Variants in CACNA2D1 observed in about 807,000 individuals in gnomAD.
The protein encoded by CACNA2D1 is calcium voltage-gated channel auxiliary subunit alpha2delta 1, also known as voltage-dependent calcium channel subunit alpha-2/delta-1.
CACNA2D1 carries 53 observed loss-of-function variants against 171.5 expected under a neutral mutation model. The ratio of observed to expected loss-of-function variants is 0.31; its 90% CI spans 0.25 to 0.39. The LOEUF (loss-of-function observed/expected upper bound fraction) is 0.39, where lower values mean the gene tolerates loss of function less well. Ranked by LOEUF, CACNA2D1 falls within the 10% of genes least tolerant of loss-of-function variation. The pLI, the probability that CACNA2D1 is intolerant of heterozygous loss-of-function variation, is 1.00. For missense variants in CACNA2D1, 903 were observed against 1,299.8 expected (o/e 0.69, Z 4.69); for synonymous variants, 442 against 443.1 (o/e 1.00, Z 0.03).
chr7:82,193,678 T>A (rs1798564288), intron 3 of CACNA2D1, among the ~76,000 whole-genome samples: 1 of 151,978 alleles, frequency 6.6e-6, no homozygotes, highest in South Asian at 2.1e-4. Context: ...GTTTCGCAGG[T>A]TTGCTGAAAT....
chr7:82,265,528 G>T (rs1237755032), intron 3 of CACNA2D1, among the ~76,000 whole-genome samples: 1 of 145,568 alleles, frequency 6.9e-6, no homozygotes, highest in Non-Finnish European at 1.5e-5. Flanking sequence ...TTTACAATAG[G>T]TCCTTTTGGT....
intron 3 of CACNA2D1, among the ~76,000 whole-genome samples, chr7:82,320,827 A>C (rs1056053428): frequency 4.8e-5 from 7 of 146,068 alleles, no homozygotes; most frequent in Non-Finnish European, 1.5e-5. Flanking sequence ...CATATCACCC[A>C]CATAAAAAAT....
chr7:82,437,142 G>A (rs928149664), intron 1 of CACNA2D1, among the ~76,000 whole-genome samples: 1 of 152,010 alleles, frequency 6.6e-6, no homozygotes, highest in Admixed American at 6.6e-5. Flanking sequence ...GTCTGATCAT[G>A]GGTAACTTAA....
At chr7:82,018,169 C>G (rs1800739278) in intron 12 of CACNA2D1, among the ~76,000 whole-genome samples, 1 of 152,094 alleles carries the variant, frequency 6.6e-6, no homozygotes, top group Admixed American at 6.6e-5. Flanking sequence ...TTTCATAATG[C>G]TGGAGTACAG....
At chr7:82,335,638 A>C (rs1246628037) in intron 2 of CACNA2D1, among the ~76,000 whole-genome samples, 1 of 152,078 alleles carries the variant, frequency 6.6e-6, no homozygotes, top group African/African-American at 2.4e-5. Context: ...AACCTGGAGG[A>C]GTGTGGAAAA....
rs576773176 is a variant in CACNA2D1 at position 82,146,329 on chromosome 7, T to C, written c.355-9653A>G. Among the ~76,000 whole-genome samples the C allele has an allele frequency of 2.2e-3, 281 of 129,990 alleles. 2 individuals are homozygous for C. The Middle Eastern group carries it at 0.037, about 17-fold the overall frequency. 85.3% of individuals were successfully genotyped at this position (129,990 alleles called of 152,430 possible). ...ATATATACGTGTGTGTGTGTGTGCG[T>C]GTGTGTGTGTGTAGAAGAAATGATA... On this transcript the variant is annotated intron_variant, in intron 4 of 38. Coordinates refer to ENST00000356860, the MANE Select transcript of CACNA2D1 (RefSeq NM_000722.4).
chr7:82,242,877 T>A (rs1262747833), intron 3 of CACNA2D1, among the ~76,000 whole-genome samples: 2 of 152,168 alleles, frequency 1.3e-5, no homozygotes, highest in Non-Finnish European at 2.9e-5. Flanking sequence ...TTGTTTACAT[T>A]TTATTAAAAT....
At chr7:82,048,752 C>T (rs948746547) in intron 10 of CACNA2D1, among the ~76,000 whole-genome samples, 6 of 152,176 alleles carry the variant, frequency 3.9e-5, no homozygotes, top group African/African-American at 1.4e-4. Context: ...TCTCCTACAT[C>T]TATTGCTCAG....
intron 3 of CACNA2D1, among the ~76,000 whole-genome samples, chr7:82,234,696 T>C (rs770309756): frequency 4.6e-5 from 7 of 152,112 alleles, no homozygotes; most frequent in Non-Finnish European, 7.4e-5. Context: ...CAGATAACAT[T>C]GAAAATAAAA....
intron 3 of CACNA2D1, among the ~76,000 whole-genome samples, chr7:82,216,433 T>C (rs1801103927): frequency 6.6e-6 from 1 of 152,184 alleles, no homozygotes; most frequent in African/African-American, 2.4e-5. Flanking sequence ...CAAATATTCA[T>C]TATACTGTTT....
At chr7:82,034,127 C>T (rs1803027810) in intron 11 of CACNA2D1, among the ~76,000 whole-genome samples, 1 of 152,050 alleles carries the variant, frequency 6.6e-6, no homozygotes, top group Non-Finnish European at 1.5e-5. Flanking sequence ...CATAAGTCTT[C>T]AAACTTCAGT....
chr7:82,440,457 TA>T (rs1240387375), intron 1 of CACNA2D1, among the ~76,000 whole-genome samples: 1 of 151,862 alleles, frequency 6.6e-6, no homozygotes, highest in Non-Finnish European at 1.5e-5. Context: ...AAAATACCAA[TA>T]CGACATGTGC....
intron 4 of CACNA2D1, among the ~76,000 whole-genome samples, chr7:82,149,946 G>A (rs949136836): frequency 6.6e-6 from 1 of 151,940 alleles, no homozygotes; most frequent in African/African-American, 2.4e-5. Context: ...TACAGAGCAA[G>A]AGTATGTGCG....
intron 1 of CACNA2D1, among the ~76,000 whole-genome samples, chr7:82,390,760 T>C (rs1173438316): frequency 1.3e-5 from 2 of 152,114 alleles, no homozygotes; most frequent in African/African-American, 2.4e-5. Context: ...CATAAAAATG[T>C]ACAAAGCTCT....
chr7:82,174,716 A>G (rs1796390653), intron 3 of CACNA2D1, among the ~76,000 whole-genome samples: 1 of 152,156 alleles, frequency 6.6e-6, no homozygotes, highest in African/African-American at 2.4e-5. Flanking sequence ...CTAAAAAATG[A>G]AAAACAAAGC....
chr7:82,013,326 C>A, intron 14 of CACNA2D1, 135 bp downstream of exon 14: 1 of 250,586 alleles, frequency 4.0e-6, no homozygotes, highest in Non-Finnish European at 7.6e-6. Flanking sequence ...CAACAAGATA[C>A]TCAGTATTTT....
intron 38 of CACNA2D1, among the ~76,000 whole-genome samples, chr7:81,953,790 T>C (rs937758902): frequency 2.6e-5 from 4 of 152,178 alleles, no homozygotes; most frequent in African/African-American, 9.6e-5. Context: ...GACCCATTTG[T>C]GTATTAATAA....
At chr7:82,076,401 C>T (rs892284394) in intron 7 of CACNA2D1, among the ~76,000 whole-genome samples, 4 of 152,098 alleles carry the variant, frequency 2.6e-5, no homozygotes, top group African/African-American at 4.8e-5. Flanking sequence ...AAACTCATCA[C>T]TTTTCTCCCA....
At chr7:82,284,070 C>A (rs542196268) in intron 3 of CACNA2D1, among the ~76,000 whole-genome samples, 1 of 151,792 alleles carries the variant, frequency 6.6e-6, no homozygotes, top group South Asian at 2.1e-4. Context: ...TGGTGTGCAC[C>A]TGTAGTCCCA....
Sources: gnomAD v4.1 joint callset for allele counts (sites outside exome capture counted in the v4.1 genomes callset) on GRCh38, gnomAD v4.1.1 for gene constraint, MANE v1.5 for transcripts, NCBI Gene and HGNC (gene_info 2026-07-23, HGNC 2026-07-21) for gene names.